Variants in FGF1 observed in about 807,000 individuals in gnomAD.
FGF1 encodes fibroblast growth factor 1.
Under a neutral mutation model 13.4 loss-of-function variants are expected in FGF1, and 9 were observed. The observed-to-expected ratio is 0.67, with a 90% confidence interval of 0.40 to 1.17. The LOEUF is 1.17. Among genes scored for constraint, FGF1 ranks in the 50% most tolerant of loss-of-function variants. FGF1 has a pLI of 0.01. For synonymous variants in FGF1, 93 were observed against 79.0 expected (o/e 1.18, Z -0.94); for missense variants, 156 against 192.7 (o/e 0.81, Z 1.13).
intron 1 of FGF1, among the ~76,000 whole-genome samples, chr5:142,646,160 C>G (rs543260543): frequency 6.7e-6 from 1 of 149,468 alleles, no homozygotes; most frequent in South Asian, 2.1e-4. Flanking sequence ...CCGCCTGCCT[C>G]GGCCTCCCAA....
At chr5:142,659,354 G>C (rs1043391264) in intron 1 of FGF1, among the ~76,000 whole-genome samples, 2 of 151,098 alleles carry the variant, frequency 1.3e-5, no homozygotes, top group African/African-American at 4.9e-5. Flanking sequence ...TCAGCCTCCC[G>C]AGTAGCTGGG....
intron 2 of FGF1, among the ~76,000 whole-genome samples, chr5:142,603,929 G>T (rs1757112031): frequency 6.6e-6 from 1 of 152,188 alleles, no homozygotes; most frequent in Non-Finnish European, 1.5e-5. Context: ...ATATTCTTTG[G>T]CAATAAAAAG....
intron 1 of FGF1, among the ~76,000 whole-genome samples, chr5:142,614,683 G>C (rs1759837119): frequency 1.3e-5 from 2 of 152,152 alleles, no homozygotes; most frequent in Non-Finnish European, 2.9e-5. Flanking sequence ...AGGCCTTTCA[G>C]GGACACAACA....
At chr5:142,668,432 GA>G (rs1770849784) in intron 1 of FGF1, among the ~76,000 whole-genome samples, 1 of 152,174 alleles carries the variant, frequency 6.6e-6, no homozygotes, top group African/African-American at 2.4e-5. Flanking sequence ...TGACCTTGGG[GA>G]GGCTGCTCTT....
chr5:142,619,459 C>T (rs1396642191), intron 1 of FGF1, among the ~76,000 whole-genome samples: 2 of 152,000 alleles, frequency 1.3e-5, no homozygotes, highest in Non-Finnish European at 2.9e-5. Flanking sequence ...ATGGCATCAC[C>T]CAAAATCTTA....
chr5:142,670,798 G>A (rs1268113619), intron 1 of FGF1, among the ~76,000 whole-genome samples: 1 of 152,176 alleles, frequency 6.6e-6, no homozygotes, highest in Non-Finnish European at 1.5e-5. Flanking sequence ...CCCGATGTTG[G>A]GTTGCCTTAC....
intron 1 of FGF1, among the ~76,000 whole-genome samples, chr5:142,651,139 G>A (rs371086992): frequency 6.6e-6 from 1 of 152,014 alleles, no homozygotes; most frequent in African/African-American, 2.4e-5. Context: ...AGGGTGCAGT[G>A]ATAACCCAGG....
chr5:142,655,411 G>A (rs761420619), intron 1 of FGF1, among the ~76,000 whole-genome samples: 3 of 152,146 alleles, frequency 2.0e-5, no homozygotes, highest in African/African-American at 7.2e-5. Context: ...AGAACTATGA[G>A]GCTGACCTAA....
At chr5:142,602,315 T>G (rs1030579700) in intron 2 of FGF1, among the ~76,000 whole-genome samples, 1 of 152,080 alleles carries the variant, frequency 6.6e-6, no homozygotes, top group Non-Finnish European at 1.5e-5. Flanking sequence ...TAGCTGGGAT[T>G]ACAGGCATGC....
At chr5:142,695,789 C>A (rs576311819) in intron 2 of FGF1, among the ~76,000 whole-genome samples, 3 of 151,936 alleles carry the variant, frequency 2.0e-5, no homozygotes, top group African/African-American at 7.2e-5. Context: ...AGAATTCAAG[C>A]TGTGAGAGAA....
At chr5:142,613,909 C>T (rs374713857) in intron 2 of FGF1, 50 bp downstream of exon 2, 1 of 1,591,654 alleles carries the variant, frequency 6.3e-7, no homozygotes. Flanking sequence ...CCCACCTTGA[C>T]TACAGAAGAT....
Position 142,592,969 on chromosome 5 carries a change from G to A in FGF1, c.*2321C>T, listed in dbSNP as rs1360658839. On this transcript the variant is annotated 3_prime_UTR_variant, in exon 4 of 4. Transcript: ENST00000337706. Reference sequence around the variant, plus strand: ...ATACAGCAGCAAACCAGACAGACAAGGTCCCCAGTATCCAGTACAGTGCCT... The same window carrying A: ...ATACAGCAGCAAACCAGACAGACAAAGTCCCCAGTATCCAGTACAGTGCCT... The A allele has an allele frequency of 6.6e-6, 1 of 152,230 alleles. No individual in the cohort carries two copies. The highest frequency in any genetic ancestry group is 2.4e-5 in the African/African-American group (1 of 41,446). 9.4% of individuals were successfully genotyped at this position (152,230 alleles called of 1,614,324 possible).
At chr5:142,664,175 T>C (rs955785358) in intron 1 of FGF1, among the ~76,000 whole-genome samples, 32 of 152,180 alleles carry the variant, frequency 2.1e-4, no homozygotes, top group Non-Finnish European at 4.4e-4. Flanking sequence ...TGTTCTTTTT[T>C]CCTGCAGTTA....
chr5:142,694,088 AATCTATCTATCTATCT>A lies in FGF1; in HGVS notation c.-35+3518_-35+3533del, dbSNP rs35496779. On this transcript the variant is annotated intron_variant, in intron 2 of 4. Transcript: ENST00000407758. ...TTTATCTATATCTCTATCTATCTAT[AATCTATCTATCTATCT>A]ATCTATCTATCTATCTATCTATCTA... Among the ~76,000 whole-genome samples, 233 of 140,608 alleles carry A rather than the reference AATCTATCTATCTATCT, an allele frequency of 1.7e-3. 1 individual carries two copies. Among genetic ancestry groups the A allele is most frequent in the Non-Finnish European group, 1.6e-3 (102 of 65,554 alleles). The allele number at this position is 140,608 out of a possible 152,430, so 92.2% of individuals were successfully genotyped here.
At chr5:142,616,621 T>G (rs966163739) in intron 1 of FGF1, among the ~76,000 whole-genome samples, 1 of 152,202 alleles carries the variant, frequency 6.6e-6, no homozygotes, top group Non-Finnish European at 1.5e-5. Context: ...TCCTTCTGTG[T>G]CCACCTCTGG....
intron 1 of FGF1, chr5:142,671,954 G>C (rs1771538310): frequency 6.6e-6 from 1 of 152,148 alleles, no homozygotes; most frequent in Admixed American, 6.6e-5. Context: ...TCTAACTTCA[G>C]GGCCCACATT....
chr5:142,611,495 G>T (rs904056778), intron 2 of FGF1, among the ~76,000 whole-genome samples: 7 of 152,302 alleles, frequency 4.6e-5, no homozygotes, highest in African/African-American at 1.7e-4. Flanking sequence ...GGGCTGGGGG[G>T]CTTGAAGCTT....
In FGF1 at chr5:142,613,972, C is replaced by T; in HGVS notation, c.156G>A (p.Arg52=). The T allele has an allele frequency of 6.2e-7, 1 of 1,613,974 alleles. No homozygotes were observed. The highest frequency in any genetic ancestry group is 8.5e-7 in the Non-Finnish European group (1 of 1,180,006). The change falls in exon 2 of 4, where the codon AGG becomes AGA. Residue 52 remains arginine, a synonymous_variant. Transcript: ENST00000337706. ...PDGTVDGTRD[R]SDQHIQLQLS... ...AGATGGGCTTACTGTGCTGGTCGCT[C>T]CTGTCCCTTGTCCCATCCACTGTGC...
chr5:142,619,082 C>T (rs1333207977), intron 1 of FGF1, among the ~76,000 whole-genome samples: 1 of 151,812 alleles, frequency 6.6e-6, no homozygotes, highest in Non-Finnish European at 1.5e-5. Context: ...CTACAGGCGC[C>T]TGCCACCGCG....
Sources: allele counts gnomAD v4.1 joint callset (sites outside exome capture counted in the v4.1 genomes callset), GRCh38; gene constraint gnomAD v4.1.1; transcripts MANE v1.5; gene names NCBI Gene and HGNC (gene_info 2026-07-23, HGNC 2026-07-21).